The following CACNA2D3 variants were observed in gnomAD, a reference collection of about 807,000 sequenced individuals.
CACNA2D3 encodes calcium voltage-gated channel auxiliary subunit alpha2delta 3.
Under a neutral mutation model 160.6 loss-of-function variants are expected in CACNA2D3, and 60 were observed. The ratio of observed to expected loss-of-function variants is 0.37; its 90% CI spans 0.30 to 0.46. The LOEUF is 0.46. CACNA2D3 is among the 20% of genes least tolerant of loss of function. The pLI is 1.00. For missense variants in CACNA2D3, 1,205 were observed against 1,365.0 expected (o/e 0.88, Z 1.85); for synonymous variants, 558 against 492.9 (o/e 1.13, Z -1.75).
chr3:54,526,671 C>G (rs1235933367), intron 5 of CACNA2D3, among the ~76,000 whole-genome samples: 1 of 152,024 alleles, frequency 6.6e-6, no homozygotes, highest in Non-Finnish European at 1.5e-5. Flanking sequence ...CCTTAAGTAC[C>G]CATAAGTATT....
chr3:54,523,513 T>C (rs2106996704), intron 5 of CACNA2D3, among the ~76,000 whole-genome samples: 1 of 152,300 alleles, frequency 6.6e-6, no homozygotes, highest in Middle Eastern at 3.4e-3. Context: ...GTCTTTGACG[T>C]TTTGGTATCA....
intron 5 of CACNA2D3, among the ~76,000 whole-genome samples, chr3:54,554,354 T>G (rs915240434): frequency 4.8e-4 from 73 of 152,368 alleles, no homozygotes; most frequent in African/African-American, 1.7e-3. Context: ...TAATGTTGAA[T>G]GCCTGATACA....
At position 54,775,480 on chromosome 3, in the gene CACNA2D3, T is replaced by G. The variant is rs145438849; in HGVS notation, c.1380+11129T>G. Among the ~76,000 whole-genome samples the G allele has an allele frequency of 2.5e-4, 38 of 152,278 alleles. 1 individual carries two copies. The East Asian group carries it at 7.0e-3, about 28-fold the overall frequency. On this transcript the variant is annotated intron_variant, in intron 13 of 37. Transcript: ENST00000474759. Reference sequence around the variant, plus strand: ...GACTCTGAAGCATTGTTTTCATCTTTCCTTGCACTGCAGAGCCTAGGTAGT... The same window carrying G: ...GACTCTGAAGCATTGTTTTCATCTTGCCTTGCACTGCAGAGCCTAGGTAGT...
chr3:54,541,092 A>G (rs1335298935), intron 5 of CACNA2D3, among the ~76,000 whole-genome samples: 1 of 152,030 alleles, frequency 6.6e-6, no homozygotes, highest in Non-Finnish European at 1.5e-5. Flanking sequence ...CCTGGCTAAC[A>G]TGGTGAAACC....
intron 2 of CACNA2D3, among the ~76,000 whole-genome samples, chr3:54,199,187 C>T (rs530379774): frequency 6.6e-6 from 1 of 152,050 alleles, no homozygotes; most frequent in African/African-American, 2.4e-5. Context: ...TAATAAAACA[C>T]CCAAATTCAG....
At chr3:54,204,796 G>GGAAAAAAAAAAAAAAAAAAA (rs1559881510) in intron 2 of CACNA2D3, among the ~76,000 whole-genome samples, 1 of 74,076 alleles carries the variant, frequency 1.3e-5, no homozygotes, top group African/African-American at 4.0e-5. Flanking sequence ...ATGCTGTCTT[G>GGAAAAAAAAAAAAAAAAAAA]AAAAAAAAAA....
intron 10 of CACNA2D3, among the ~76,000 whole-genome samples, chr3:54,640,041 A>C (rs563801118): frequency 5.9e-5 from 9 of 152,282 alleles, no homozygotes; most frequent in African/African-American, 2.2e-4. Flanking sequence ...AGTTAAGGCA[A>C]GGACTGGCCA....
chr3:54,730,177 C>T (rs755785817), intron 11 of CACNA2D3, among the ~76,000 whole-genome samples: 1 of 152,170 alleles, frequency 6.6e-6, no homozygotes. Context: ...TTGACACTTA[C>T]ATGTTCAACT....
At chr3:55,034,642 T>C (rs569094563) in intron 35 of CACNA2D3, among the ~76,000 whole-genome samples, 3 of 152,096 alleles carry the variant, frequency 2.0e-5, no homozygotes, top group Non-Finnish European at 4.4e-5. Flanking sequence ...TCTGGTTTTT[T>C]TTCAAAAATA....
chr3:54,556,933 T>C (rs993851427), intron 5 of CACNA2D3, among the ~76,000 whole-genome samples: 1 of 152,204 alleles, frequency 6.6e-6, no homozygotes, highest in Non-Finnish European at 1.5e-5. Flanking sequence ...CGTGGGTTAC[T>C]TCATTTCCAC....
chr3:54,137,245 A>G (rs1047660258), intron 2 of CACNA2D3, among the ~76,000 whole-genome samples: 1 of 152,196 alleles, frequency 6.6e-6, no homozygotes, highest in Non-Finnish European at 1.5e-5. Flanking sequence ...CAGACATTTT[A>G]TCTTTTAAGT....
In CACNA2D3 at chr3:54,404,660, G is replaced by T. The variant is rs527783470; in HGVS notation, c.381+17886G>T. Among the ~76,000 whole-genome samples, 5 of 152,148 alleles carry T rather than the reference G, an allele frequency of 3.3e-5. No homozygotes were observed. In the South Asian group the frequency reaches 1.0e-3, roughly 32 times the overall value. ...CAGTTAGACAAAAAAGAAATAAAAA[G>T]CTTTCAGATGGGAACAAAAGAAGTA... is the stretch of plus-strand genomic sequence containing the variant. On this transcript the variant is annotated intron_variant, in intron 4 of 37. Transcript: ENST00000474759.
At chr3:54,687,055 C>T (rs967707334) in intron 11 of CACNA2D3, among the ~76,000 whole-genome samples, 2 of 150,388 alleles carry the variant, frequency 1.3e-5, no homozygotes, top group Non-Finnish European at 3.0e-5. Context: ...AGGTGGCATA[C>T]CTGAGTGCTA....
In CACNA2D3 at chr3:54,232,529, G is replaced by A. The variant is rs768087104; in HGVS notation, c.205-87913G>A. ...AAACTCAAAAGGAAACGTTACAAGCGGTGACTTGCATGAGGGTTTTTGTTT... is the reference window on the plus strand; with the variant it reads ...AAACTCAAAAGGAAACGTTACAAGCAGTGACTTGCATGAGGGTTTTTGTTT... On this transcript the variant is annotated intron_variant, in intron 2 of 37. Transcript: ENST00000474759. Among the ~76,000 whole-genome samples, 4 of 152,116 alleles carry A rather than the reference G, an allele frequency of 2.6e-5. No individual in the cohort carries two copies. In the East Asian group the frequency reaches 5.8e-4, roughly 22 times the overall value.
intron 14 of CACNA2D3, among the ~76,000 whole-genome samples, chr3:54,834,464 C>G (rs1344873529): frequency 6.6e-6 from 1 of 152,178 alleles, no homozygotes; most frequent in East Asian, 1.9e-4. Context: ...GTGGTGGCCA[C>G]AGTATGCTTT....
At chr3:54,870,412 G>A (rs1699499013) in intron 17 of CACNA2D3, among the ~76,000 whole-genome samples, 1 of 152,170 alleles carries the variant, frequency 6.6e-6, no homozygotes, top group South Asian at 2.1e-4. Context: ...CCAAGCTGGA[G>A]AGAAAAGTGA....
At chr3:54,977,640 A>G (rs1702419678) in intron 29 of CACNA2D3, among the ~76,000 whole-genome samples, 1 of 152,188 alleles carries the variant, frequency 6.6e-6, no homozygotes, top group Non-Finnish European at 1.5e-5. Context: ...GTATCTGAAT[A>G]TGGAGGCCAC....
At chr3:54,866,649 A>G (rs530522040) in intron 17 of CACNA2D3, among the ~76,000 whole-genome samples, 6 of 152,310 alleles carry the variant, frequency 3.9e-5, no homozygotes, top group African/African-American at 1.4e-4. Context: ...TTCCCAGAAC[A>G]CAGAAAGAGC....
chr3:54,459,751 T>A (rs961876390), intron 4 of CACNA2D3, among the ~76,000 whole-genome samples: 15 of 152,178 alleles, frequency 9.9e-5, no homozygotes, highest in Non-Finnish European at 2.1e-4. Context: ...TAGTTTCTTT[T>A]GCTGTGCAGA....
Sources: allele counts gnomAD v4.1 joint callset (sites outside exome capture counted in the v4.1 genomes callset), GRCh38; gene constraint gnomAD v4.1.1; transcripts MANE v1.5; gene names NCBI Gene and HGNC (gene_info 2026-07-23, HGNC 2026-07-21).